MALRD1: variants seen among roughly 807,000 people sequenced by gnomAD.
The protein encoded by MALRD1 is MAM and LDL-receptor class A domain-containing protein 1.
MALRD1 carries 247 observed loss-of-function variants against 242.1 expected under a neutral mutation model. That is an observed-to-expected ratio of 1.02 (90% CI 0.92 to 1.13). The LOEUF (loss-of-function observed/expected upper bound fraction) is 1.13, where lower values mean the gene tolerates loss of function less well. MALRD1 is among the 50% of genes most tolerant of loss of function. The probability of loss-of-function intolerance (pLI) is 0.00; values close to 1 mark genes in which losing one functional copy is unlikely to be tolerated. For synonymous variants in MALRD1, 995 were observed against 866.6 expected, an observed-to-expected ratio of 1.15 and a Z score of -2.60; for missense variants, 2,989 against 2,533.1, an observed-to-expected ratio of 1.18 and a Z score of -3.86.
intron 32 of MALRD1, among the ~76,000 whole-genome samples, chr10:19,533,669 A>G (rs1171135304): frequency 6.6e-6 from 1 of 152,182 alleles, no homozygotes; most frequent in African/African-American, 2.4e-5. Context: ...AGGTGCTAAC[A>G]CTTTTAAATG....
chr10:19,688,262 T>C (rs1842678071), intron 36 of MALRD1, among the ~76,000 whole-genome samples: 1 of 152,148 alleles, frequency 6.6e-6, no homozygotes, highest in South Asian at 2.1e-4. Context: ...TGAGCCACTG[T>C]GCCCGGCCTA....
rs1247223240 is a variant in MALRD1 at position 19,595,219 on chromosome 10, C to G, written c.5706C>G (p.Pro1902=). ...TGGPVPVQPS[P]CEADQFSCIY... is the part of the protein sequence containing the mutation. ...GTCCTGTCCCAGTGCAGCCATCACC[C>G]TGTGAAGCTGATCAGTTTTCTTGTA... Residue 1902 remains proline (P), a synonymous_variant, in exon 34 of 40, where the codon CCC becomes CCG. Transcript: ENST00000454679. The G allele has an allele frequency of 1.3e-6, 2 of 1,550,164 alleles. No homozygotes were observed. Among genetic ancestry groups the G allele is most frequent in the East Asian group, 4.9e-5 (2 of 40,882 alleles).
Position 19,238,249 on chromosome 10 carries a change from T to A in MALRD1, c.2992-19435T>A, listed in dbSNP as rs1237687492. On this transcript the variant is annotated intron_variant, in intron 18 of 39. Coordinates refer to ENST00000454679, the MANE Select transcript of MALRD1 (RefSeq NM_001142308.3). ...AATATATATTATATATAATATGTAA[T>A]ATACATAATATATATTATATATAAT... Among the ~76,000 whole-genome samples the A allele has an allele frequency of 7.1e-5, 4 of 56,638 alleles. 1 individual carries two copies. Among genetic ancestry groups the A allele is most frequent in the Non-Finnish European group, 1.2e-4 (4 of 33,202 alleles). The allele number at this position is 56,638 out of a possible 152,430, so 37.2% of individuals were successfully genotyped here.
intron 18 of MALRD1, among the ~76,000 whole-genome samples, chr10:19,244,788 G>T (rs1838968781): frequency 6.6e-6 from 1 of 152,128 alleles, no homozygotes; most frequent in Non-Finnish European, 1.5e-5. Context: ...TTATTGCAGA[G>T]ATCAATTGCC....
intron 21 of MALRD1, among the ~76,000 whole-genome samples, chr10:19,305,493 A>T (rs1029877280): frequency 6.6e-6 from 1 of 151,380 alleles, no homozygotes; most frequent in Non-Finnish European, 1.5e-5. Context: ...AATCAATATA[A>T]AGCTAAATAA....
At chr10:19,403,518 T>C (rs1019698814) in intron 28 of MALRD1, among the ~76,000 whole-genome samples, 1 of 152,108 alleles carries the variant, frequency 6.6e-6, no homozygotes, top group Admixed American at 6.6e-5. Context: ...AAAGCAGACT[T>C]AGTTTTTCAG....
At chr10:19,635,081 T>G (rs1158674892) in intron 36 of MALRD1, among the ~76,000 whole-genome samples, 3 of 152,176 alleles carry the variant, frequency 2.0e-5, no homozygotes, top group African/African-American at 7.2e-5. Context: ...TTTATAGGAA[T>G]AATCCCTAAG....
At chr10:19,356,354 G>A (rs182484988) in intron 26 of MALRD1, among the ~76,000 whole-genome samples, 2 of 152,160 alleles carry the variant, frequency 1.3e-5, no homozygotes, top group East Asian at 3.9e-4. Context: ...TTCTTTTGAT[G>A]TTTATGGAAG....
chr10:19,262,347 C>CTG (rs61614574), intron 19 of MALRD1, among the ~76,000 whole-genome samples: 7 of 151,160 alleles, frequency 4.6e-5, no homozygotes, highest in South Asian at 4.2e-4. Flanking sequence ...TACCCCTCCT[C>CTG]TGTGTGTGTG....
chr10:19,498,029 T>G (rs1208285109), intron 30 of MALRD1, among the ~76,000 whole-genome samples: 1 of 152,248 alleles, frequency 6.6e-6, no homozygotes, highest in Non-Finnish European at 1.5e-5. Context: ...CAAGATAATT[T>G]GTGTCCTATA....
intron 36 of MALRD1, among the ~76,000 whole-genome samples, 191 bp downstream of exon 36, chr10:19,616,114 C>T (rs1469390410): frequency 6.6e-6 from 1 of 151,720 alleles, no homozygotes; most frequent in Non-Finnish European, 1.5e-5. Context: ...AGAGAAATAT[C>T]TCTTTATTAT....
intron 21 of MALRD1, among the ~76,000 whole-genome samples, chr10:19,297,364 G>A (rs910826478): frequency 6.6e-6 from 1 of 151,490 alleles, no homozygotes; most frequent in Admixed American, 6.6e-5. Context: ...ATAATCATAA[G>A]ATTAAAAGAG....
intron 28 of MALRD1, among the ~76,000 whole-genome samples, chr10:19,441,253 T>C (rs1834629960): frequency 6.6e-6 from 1 of 152,216 alleles, no homozygotes; most frequent in Non-Finnish European, 1.5e-5. Flanking sequence ...CTTTGTAAGA[T>C]GGGTAGATTG....
At chr10:19,421,356 A>G (rs1042136934) in intron 28 of MALRD1, among the ~76,000 whole-genome samples, 1 of 152,174 alleles carries the variant, frequency 6.6e-6, no homozygotes, top group Non-Finnish European at 1.5e-5. Context: ...TTCCAATGCT[A>G]GCTTTGGAGA....
intron 33 of MALRD1, among the ~76,000 whole-genome samples, chr10:19,579,352 A>G (rs1836992487): frequency 6.6e-6 from 1 of 152,192 alleles, no homozygotes; most frequent in Admixed American, 6.5e-5. Context: ...TTGTTCCCAA[A>G]GTGCATGTGA....
At chr10:19,506,664 T>G (rs1833159328) in intron 31 of MALRD1, among the ~76,000 whole-genome samples, 1 of 152,148 alleles carries the variant, frequency 6.6e-6, no homozygotes, top group Non-Finnish European at 1.5e-5. Context: ...ATAAAATATA[T>G]TTTCTATTGG....
chr10:19,593,761 G>A (rs917754970), intron 33 of MALRD1, among the ~76,000 whole-genome samples: 1 of 152,174 alleles, frequency 6.6e-6, no homozygotes. Flanking sequence ...AACCTTTGCT[G>A]CAGAAACGTT....
chr10:19,351,434 C>G (rs1844373533), intron 25 of MALRD1, among the ~76,000 whole-genome samples: 1 of 151,942 alleles, frequency 6.6e-6, no homozygotes, highest in East Asian at 1.9e-4. Context: ...CTGTGAAGGC[C>G]CATTTGTAGC....
chr10:19,221,170 T>C (rs1171080642), intron 18 of MALRD1, among the ~76,000 whole-genome samples: 2 of 152,188 alleles, frequency 1.3e-5, no homozygotes, highest in East Asian at 3.8e-4. Context: ...GTGGGGTGTG[T>C]CTTAAATCCT....
Sources: allele counts gnomAD v4.1 joint callset (sites outside exome capture counted in the v4.1 genomes callset), GRCh38; gene constraint gnomAD v4.1.1; transcripts MANE v1.5; gene names NCBI Gene and HGNC (gene_info 2026-07-23, HGNC 2026-07-21).